Variants in DRC8 observed in about 807,000 individuals in gnomAD.
The protein encoded by DRC8 is dynein regulatory complex subunit 8, also known as dynein regulatory complex protein 8.
chr1:245,056,406 C>A, the DRC8 span, among the ~76,000 whole-genome samples: 5 of 152,284 alleles, frequency 3.3e-5, no homozygotes, highest in African/African-American at 9.6e-5. Context: ...AGCGATTCTC[C>A]TGCCTCAGCC....
At chr1:245,043,054 A>G in the DRC8 span, among the ~76,000 whole-genome samples, 3 of 152,320 alleles carry the variant, frequency 2.0e-5, no homozygotes, top group East Asian at 5.8e-4. Context: ...GGTACAGAAA[A>G]ACATTTTTAA....
At chr1:245,037,327 C>A in the DRC8 span, among the ~76,000 whole-genome samples, 1 of 152,138 alleles carries the variant, frequency 6.6e-6, no homozygotes, top group African/African-American at 2.4e-5. Context: ...AAAAATAGTT[C>A]TGTGTTGGGA....
At chr1:245,046,501 C>T in the DRC8 span, among the ~76,000 whole-genome samples, 1 of 152,192 alleles carries the variant, frequency 6.6e-6, no homozygotes, top group Non-Finnish European at 1.5e-5. Context: ...CATCCGGATA[C>T]CATCTGGACA....
chr1:245,041,473 A>C, the DRC8 span, among the ~76,000 whole-genome samples: 1 of 152,218 alleles, frequency 6.6e-6, no homozygotes, highest in Non-Finnish European at 1.5e-5. Context: ...GCAGAAGCAG[A>C]ATGACAGCCT....
At chr1:245,030,069 TCTC>T in the DRC8 span, among the ~76,000 whole-genome samples, 2 of 152,168 alleles carry the variant, frequency 1.3e-5, no homozygotes, top group African/African-American at 4.8e-5. Context: ...CTCAACCTAT[TCTC>T]CTTAACAGAG....
chr1:245,036,681 T>C, the DRC8 span, among the ~76,000 whole-genome samples: 56,215 of 152,092 alleles, frequency 0.37, 10,794 homozygotes, highest in African/African-American at 0.49. Context: ...AGTACTGATG[T>C]GTGTTACAAC....
chr1:244,970,327 A>G, the DRC8 span: 11 of 1,332,320 alleles, frequency 8.3e-6, no homozygotes, highest in Admixed American at 1.0e-4. Flanking sequence ...CCCCTCCTCC[A>G]GGCCAGGCTC....
the DRC8 span, among the ~76,000 whole-genome samples, chr1:245,028,354 G>C: frequency 6.6e-6 from 1 of 152,338 alleles, no homozygotes; most frequent in South Asian, 2.1e-4. Flanking sequence ...TTTGTAATAT[G>C]ATGCTGCTGT....
chr1:245,066,432 G>C, the DRC8 span, among the ~76,000 whole-genome samples: 1 of 152,190 alleles, frequency 6.6e-6, no homozygotes, highest in South Asian at 2.1e-4. Context: ...GTAATACATT[G>C]GAGTGAATTA....
chr1:245,093,468 G>T, the DRC8 span, among the ~76,000 whole-genome samples: 1 of 152,050 alleles, frequency 6.6e-6, no homozygotes, highest in Non-Finnish European at 1.5e-5. Context: ...GGAGGCTGAG[G>T]TGAGCGGTTC....
chr1:245,112,222 A>C, the DRC8 span, among the ~76,000 whole-genome samples: 5 of 152,026 alleles, frequency 3.3e-5, no homozygotes, highest in Non-Finnish European at 7.4e-5. Flanking sequence ...TTACAGGCGC[A>C]CGCCACCACA....
At chr1:244,999,378 CCT>C in the DRC8 span, among the ~76,000 whole-genome samples, 1 of 152,122 alleles carries the variant, frequency 6.6e-6, no homozygotes, top group African/African-American at 2.4e-5. Context: ...ATTGTCTTTT[CCT>C]GTTTCCCTTT....
chr1:244,998,504 C>T, the DRC8 span, among the ~76,000 whole-genome samples: 6 of 152,236 alleles, frequency 3.9e-5, no homozygotes, highest in African/African-American at 1.4e-4. Context: ...AGCCACTGCG[C>T]CCAGCTCCCT....
At chr1:244,993,771 T>C in the DRC8 span, among the ~76,000 whole-genome samples, 14,381 of 152,198 alleles carry the variant, frequency 0.094, 852 homozygotes, top group East Asian at 0.24. Flanking sequence ...GGAAGGAGGC[T>C]GAACTCATTC....
the DRC8 span, among the ~76,000 whole-genome samples, chr1:245,092,862 C>G: frequency 1.3e-5 from 2 of 152,106 alleles, no homozygotes; most frequent in Non-Finnish European, 2.9e-5. Context: ...TGCACTCAGC[C>G]TGGGTGACAG....
the DRC8 span, among the ~76,000 whole-genome samples, chr1:245,113,985 TAAAAG>T: frequency 6.6e-6 from 1 of 152,188 alleles, no homozygotes; most frequent in Non-Finnish European, 1.5e-5. Context: ...AGTCTGGAAA[TAAAAG>T]AGAGTGGATT....
the DRC8 span, among the ~76,000 whole-genome samples, chr1:245,068,100 T>C: frequency 6.6e-6 from 1 of 152,198 alleles, no homozygotes. Context: ...TGCTTATTTG[T>C]AATTGGTAGG....
At chr1:245,108,691 G>A in the DRC8 span, among the ~76,000 whole-genome samples, 1 of 151,916 alleles carries the variant, frequency 6.6e-6, no homozygotes, top group Admixed American at 6.6e-5. Context: ...CCTCCTCTCA[G>A]CTCTCTTTTC....
chr1:245,031,065 G>T, the DRC8 span, among the ~76,000 whole-genome samples: 1 of 152,180 alleles, frequency 6.6e-6, no homozygotes, highest in Admixed American at 6.5e-5. Context: ...ATTTGGCAGA[G>T]ACCTTACTGC....
Sources: gnomAD v4.1 joint callset for allele counts (sites outside exome capture counted in the v4.1 genomes callset) on GRCh38, gnomAD v4.1.1 for gene constraint, MANE v1.5 for transcripts, NCBI Gene and HGNC (gene_info 2026-07-23, HGNC 2026-07-21) for gene names.